WIF1: variants seen among roughly 807,000 people sequenced by gnomAD.
WIF1 encodes the protein Wnt inhibitory factor 1.
A neutral mutation model predicts 53.5 loss-of-function variants in WIF1; 35 were observed. That is an observed-to-expected ratio of 0.65 (90% confidence interval 0.50 to 0.87). The LOEUF (loss-of-function observed/expected upper bound fraction) is 0.87, where lower values mean the gene tolerates loss of function less well. Among genes scored for constraint, WIF1 ranks in the 40% least tolerant of loss-of-function variants. The pLI is 0.00. For missense variants in WIF1, 467 were observed against 476.8 expected, an observed-to-expected ratio of 0.98 and a Z score of 0.19; for synonymous variants, 171 against 170.4, an observed-to-expected ratio of 1.00 and a Z score of -0.03.
intron 3 of WIF1, among the ~76,000 whole-genome samples, chr12:65,070,641 T>C (rs1285890908): frequency 6.6e-6 from 1 of 152,152 alleles, no homozygotes; most frequent in Non-Finnish European, 1.5e-5. Flanking sequence ...TTTCAGAATC[T>C]TCCTCACTGG....
chr12:65,083,833 TTTC>T (rs150722125), intron 2 of WIF1: 191,764 of 366,380 alleles, frequency 0.52, 54,650 homozygotes, highest in East Asian at 0.67. Flanking sequence ...TCTTTTCTCT[TTTC>T]TTTTCTTTTC....
intron 7 of WIF1, among the ~76,000 whole-genome samples, chr12:65,057,220 G>A (rs180753765): frequency 6.6e-6 from 1 of 152,288 alleles, no homozygotes; most frequent in African/African-American, 2.4e-5. Context: ...GGCTGGCCAA[G>A]AGGCTGTGAG....
chr12:65,100,912 C>T (rs1172533283), intron 2 of WIF1, among the ~76,000 whole-genome samples: 1 of 151,904 alleles, frequency 6.6e-6, no homozygotes, highest in Non-Finnish European at 1.5e-5. Flanking sequence ...AAAAAAAAAC[C>T]ATGTTTACCG....
At position 65,077,934 on chromosome 12, in the gene WIF1, T is replaced by C. The variant is rs568723309; in HGVS notation, c.289-80A>G. Reference sequence around the variant, plus strand: ...ACCACAGAATTCATCGTCCATCTGATGGGGCAGAGATAATTTTCATTACAG... The same window carrying C: ...ACCACAGAATTCATCGTCCATCTGACGGGGCAGAGATAATTTTCATTACAG... On this transcript the variant is annotated intron_variant, in intron 2 of 9. Transcript: ENST00000286574. 1.5e-5 allele frequency: 16 copies of C among 1,068,270 alleles called. No individual in the cohort carries two copies. The African/African-American group carries it at 2.5e-4, about 17-fold the overall frequency. 66.2% of individuals were successfully genotyped at this position (1,068,270 alleles called of 1,614,324 possible).
chr12:65,062,911 AT>A (rs1319250612), intron 6 of WIF1, among the ~76,000 whole-genome samples: 3 of 151,928 alleles, frequency 2.0e-5, no homozygotes, highest in African/African-American at 7.3e-5. Flanking sequence ...AAACCTAAGG[AT>A]TTTTTTTGTA....
At position 65,051,455 on chromosome 12, in the gene WIF1, A is replaced by T. The variant is rs909899630; in HGVS notation, c.1034T>A (p.Leu345His). The change falls in exon 10 of 10, where the codon CTC becomes CAC. Residue 345 changes from leucine (L) to histidine (H), a missense_variant. By Grantham distance (99) the Leu-to-His change is moderately conservative. Transcript: ENST00000286574. ...RHCNKRYEASLIHALRPAGAQ... is the reference protein window; with the variant it reads ...RHCNKRYEASHIHALRPAGAQ... ...GCCTGCTGGCCTCAGGGCATGTATG[A>T]GGCTGGCTTCGTACCCTGCAAAATT... 18 of 1,610,204 alleles carry T rather than the reference A, an allele frequency of 1.1e-5. No individual in the cohort carries two copies. Among genetic ancestry groups the T allele is most frequent in the Non-Finnish European group, 1.5e-5 (18 of 1,178,520 alleles).
intron 2 of WIF1, among the ~76,000 whole-genome samples, chr12:65,088,083 C>G (rs746124773): frequency 6.6e-6 from 1 of 152,156 alleles, no homozygotes. Flanking sequence ...TAAGGCAGAA[C>G]TGAACATTTC....
chr12:65,079,483 GTTA>G (rs1337632286), intron 2 of WIF1, among the ~76,000 whole-genome samples: 2 of 152,044 alleles, frequency 1.3e-5, no homozygotes, highest in African/African-American at 4.8e-5. Flanking sequence ...ATTGGAGATT[GTTA>G]TTATTATCAT....
chr12:65,084,023 C>T (rs1882997927), intron 2 of WIF1, among the ~76,000 whole-genome samples: 1 of 151,708 alleles, frequency 6.6e-6, no homozygotes, highest in Admixed American at 6.6e-5. Flanking sequence ...TTCTTTTTAG[C>T]TGCCAATGGT....
intron 7 of WIF1, among the ~76,000 whole-genome samples, chr12:65,056,519 C>G (rs997305813): frequency 1.3e-5 from 2 of 151,262 alleles, no homozygotes; most frequent in Non-Finnish European, 2.9e-5. Context: ...AGCCACCACG[C>G]CCAGCCCAAT....
intron 2 of WIF1, among the ~76,000 whole-genome samples, chr12:65,107,705 C>T (rs370909935): frequency 6.6e-6 from 1 of 152,166 alleles, no homozygotes; most frequent in East Asian, 1.9e-4. Context: ...AGTGGCACAT[C>T]CATTATTGAT....
intron 2 of WIF1, among the ~76,000 whole-genome samples, chr12:65,093,408 C>T (rs1465213221): frequency 6.6e-6 from 1 of 152,110 alleles, no homozygotes; most frequent in Non-Finnish European, 1.5e-5. Context: ...TAACACATGC[C>T]AGAATATTAG....
chr12:65,072,036 CT>C (rs1311735319), intron 3 of WIF1, among the ~76,000 whole-genome samples: 1 of 152,052 alleles, frequency 6.6e-6, no homozygotes, highest in South Asian at 2.1e-4. Flanking sequence ...TTTATATAAA[CT>C]TTATCTATAA....
Position 65,052,514 on chromosome 12 carries a change from T to C in WIF1, c.1019-1044A>G, listed in dbSNP as rs149159746. On this transcript the variant is annotated intron_variant, in intron 9 of 9. Coordinates refer to ENST00000286574, the MANE Select transcript of WIF1 (RefSeq NM_007191.5). ...CTCCCCACCATCATGCCTGGGTCCC[T>C]GGAACTCCCAACGTGTCATCCCACT... is the stretch of plus-strand genomic sequence containing the variant. Among the ~76,000 whole-genome samples the C allele has an allele frequency of 1.6e-3, 238 of 152,280 alleles. 1 individual carries two copies. Among genetic ancestry groups the C allele is most frequent in the African/African-American group, 5.3e-3 (221 of 41,546 alleles).
In WIF1 at chr12:65,077,809, C is replaced by T. The variant is rs1053791781; in HGVS notation, c.334G>A (p.Gly112Ser). 2 of 1,613,746 alleles carry T rather than the reference C, an allele frequency of 1.2e-6. No homozygotes were observed. Among genetic ancestry groups the T allele is most frequent in the Non-Finnish European group, 1.7e-6 (2 of 1,179,866 alleles). Residue 112 changes from glycine (G) to serine (S), a missense_variant, in exon 3 of 10, where the codon GGC (glycine) becomes AGC (serine). Transcript: ENST00000286574. Reference protein sequence around the residue: ...EFLSLRSLDKGIMADPTVNVP... With the variant: ...EFLSLRSLDKSIMADPTVNVP... ...TTGACGGTTGGATCTGCCATGATGC[C>T]TTTATCCAGGGAGCGCAAGGACAGG... is the stretch of plus-strand genomic sequence containing the variant.
In WIF1 at chr12:65,120,552, A is replaced by G. The variant is rs770644544; in HGVS notation, c.153T>C (p.Phe51=). Residue 51 remains phenylalanine, a synonymous_variant, in exon 2 of 10, where the codon TTT becomes TTC. Coordinates refer to ENST00000286574, the MANE Select transcript of WIF1 (RefSeq NM_007191.5). The part of the protein sequence containing the change: ...DAHQARVLIG[F]EEDILIVSEG... Reference sequence around the variant, plus strand: ...CTGAAACAATCAGGATATCTTCTTCAAATCCTGGTTTTTAAAATAATAAAA... The same window carrying G: ...CTGAAACAATCAGGATATCTTCTTCGAATCCTGGTTTTTAAAATAATAAAA... The G allele has an allele frequency of 6.2e-7, 1 of 1,604,886 alleles. No individual in the cohort carries two copies. The highest frequency in any genetic ancestry group is 1.1e-5 in the South Asian group (1 of 88,702).
chr12:65,062,717 A>C (rs1234158458), intron 6 of WIF1, 141 bp from the exon 7 acceptor site: 2 of 752,972 alleles, frequency 2.7e-6, no homozygotes, highest in South Asian at 3.7e-5. Context: ...GCTGCTTTAC[A>C]AATACAAAAT....
rs917673649 is a variant in WIF1, at chr12:65,071,170, G to A, written c.398-2266C>T. Among the ~76,000 whole-genome samples the A allele has an allele frequency of 2.0e-5, 3 of 147,720 alleles. No individual in the cohort carries two copies. The Admixed American group carries it at 2.0e-4, about 10-fold the overall frequency. ...AATCACTTGAACTCAGAAGACAGAGGTTGCAGTGAGCCAAGATAGAGCCAC... is the reference window on the plus strand; with the variant it reads ...AATCACTTGAACTCAGAAGACAGAGATTGCAGTGAGCCAAGATAGAGCCAC... On this transcript the variant is annotated intron_variant, in intron 3 of 9. Transcript: ENST00000286574.
At chr12:65,082,773 A>T (rs1424434507) in intron 2 of WIF1, among the ~76,000 whole-genome samples, 2 of 152,190 alleles carry the variant, frequency 1.3e-5, no homozygotes, top group Non-Finnish European at 2.9e-5. Flanking sequence ...CCTTATTGAG[A>T]GGAATGAAGA....
Sources: allele counts gnomAD v4.1 joint callset (sites outside exome capture counted in the v4.1 genomes callset), GRCh38; gene constraint gnomAD v4.1.1; transcripts MANE v1.5; gene names NCBI Gene and HGNC (gene_info 2026-07-23, HGNC 2026-07-21).